Variants in LALBA observed in about 807,000 individuals in gnomAD.
The protein encoded by LALBA is alpha-lactalbumin.
A neutral mutation model predicts 13.4 loss-of-function variants in LALBA; 12 were observed. The ratio of observed to expected loss-of-function variants is 0.89; its 90% CI spans 0.57 to 1.45. The LOEUF is 1.45. LALBA is among the 40% of genes most tolerant of loss of function. The pLI is 0.00. For synonymous variants in LALBA, 64 were observed against 61.0 expected (o/e 1.05, Z -0.23); for missense variants, 145 against 165.9 (o/e 0.87, Z 0.69).
In LALBA at chr12:48,569,943, C is replaced by G. The variant is rs750132530; in HGVS notation, c.78G>C (p.Glu26Asp). 6.8e-6 allele frequency: 11 copies of G among 1,614,072 alleles called. No homozygotes were observed. Among genetic ancestry groups the G allele is most frequent in the Non-Finnish European group, 8.5e-6 (10 of 1,179,994 alleles). ...AILAKQFTKC[E>D]LSQLLKDIDG... is the part of the protein sequence containing the mutation. ...CTATGTCTTTCAGCAGCTGGGACAG[C>G]TCACATTTTGTGAATTGCTTGGCCA... Residue 26 changes from glutamate to aspartate, a missense_variant, in exon 1 of 4, where the codon GAG (glutamate) becomes GAC (aspartate). Glu to Asp is a conservative substitution (Grantham distance 45, BLOSUM62 2). Transcript: ENST00000301046.
chr12:48,568,355 A>G lies in LALBA; in HGVS notation c.368+162T>C, dbSNP rs2232569. 985 of 646,898 alleles carry G rather than the reference A, an allele frequency of 1.5e-3. 14 individuals carry two copies. In the East Asian group the frequency reaches 0.025, roughly 16 times the overall value. The allele number at this position is 646,898 out of a possible 1,614,324, so 40.1% of individuals were successfully genotyped here. A position where few individuals can be genotyped will look rare whatever the true frequency, so the allele number is the denominator to read the frequency against. ...AAAATTGCTACCAAGGAGCGGAGCG[A>G]GAGAGGCTTAATAACAGAAACCTGA... On this transcript the variant is annotated intron_variant, in intron 3 of 3. Coordinates refer to ENST00000301046, the MANE Select transcript of LALBA (RefSeq NM_002289.3).
Position 48,570,025 on chromosome 12 carries a change from G to A in LALBA, c.-5C>T, listed in dbSNP as rs773933362. On this transcript the variant is annotated 5_prime_UTR_variant, in exon 1 of 4. Coordinates refer to ENST00000301046, the MANE Select transcript of LALBA (RefSeq NM_002289.3). Reference sequence around the variant, plus strand: ...CAGAGGGACAAAGAACCTCATTTTGGCTACCCCCAAGAACCTGAAATGGAA... The same window carrying A: ...CAGAGGGACAAAGAACCTCATTTTGACTACCCCCAAGAACCTGAAATGGAA... The A allele has an allele frequency of 2.5e-6, 4 of 1,613,854 alleles. No homozygotes were observed. Among genetic ancestry groups the A allele is most frequent in the Admixed American group, 1.7e-5 (1 of 59,976 alleles).
Position 48,568,587 on chromosome 12 carries a change from G to C in LALBA, c.298C>G (p.Leu100Val), listed in dbSNP as rs78360052. ...ATGTCATCAGTAATGTCATCATCCA[G>C]GAACTCTGGCAGGAGTTACAGGGAA... ...NICDISCDKF[L>V]DDDITDDIMC... The change falls in exon 3 of 4, where the codon CTG (leucine) becomes GTG (valine). Residue 100 changes from leucine (L) to valine (V), a missense_variant. Coordinates refer to ENST00000301046, the MANE Select transcript of LALBA (RefSeq NM_002289.3). 4.6e-5 allele frequency: 73 copies of C among 1,593,412 alleles called. No homozygotes were observed. In the Middle Eastern group the frequency reaches 1.3e-3, roughly 29 times the overall value.
At position 48,569,114 on chromosome 12, in the gene LALBA, T is replaced by A. The variant is rs766518935; in HGVS notation, c.260A>T (p.Gln87Leu). The A allele has an allele frequency of 1.2e-6, 2 of 1,613,196 alleles. No homozygotes were observed. The highest frequency in any genetic ancestry group is 1.7e-6 in the Non-Finnish European group (2 of 1,179,806). ...KLWCKSSQVP[Q>L]SRNICDISCD... ...GGAGATGTCACAGATGTTCCTTGAC[T>A]GAGGGACCTGGCTGCTCTTGCACCA... is the stretch of plus-strand genomic sequence containing the variant. Residue 87 changes from glutamine to leucine, a missense_variant, in exon 2 of 4, where the codon CAG (glutamine) becomes CTG (leucine). Physicochemically the swap from Gln to Leu is moderately radical, Grantham distance 113. Coordinates refer to ENST00000301046, the MANE Select transcript of LALBA (RefSeq NM_002289.3).
intron 2 of LALBA, 137 bp downstream of exon 2, chr12:48,568,945 T>G (rs987771482): frequency 1.4e-6 from 1 of 733,248 alleles, no homozygotes; most frequent in Admixed American, 2.6e-5. Flanking sequence ...TACTCAGTAC[T>G]GCCAATTCAA....
chr12:48,568,490 GAAATAGA>G lies in LALBA; in HGVS notation c.368+20_368+26del. The G allele has an allele frequency of 7.5e-7, 1 of 1,325,046 alleles. No individual in the cohort carries two copies. Among genetic ancestry groups the G allele is most frequent in the East Asian group, 2.3e-5 (1 of 43,518 alleles). 82.1% of individuals were successfully genotyped at this position (1,325,046 alleles called of 1,614,324 possible). A position where few individuals can be genotyped will look rare whatever the true frequency, so the allele number is the denominator to read the frequency against. ...ATGGGGTAAGGAGAAGGAGGATGGG[GAAATAGA>G]AAATAGAATAAGGATTCACCAGTAG... On this transcript the variant is annotated intron_variant, in intron 3 of 3. Transcript: ENST00000301046.
At chr12:48,571,020 G>A (rs546203381), upstream of LALBA, among the ~76,000 whole-genome samples, 233 of 145,800 alleles carry the variant, frequency 1.6e-3, no homozygotes, top group African/African-American at 3.2e-3. Flanking sequence ...GCTATCCTAC[G>A]AGCTATTATC....
In LALBA at chr12:48,567,981, T is replaced by C. The variant is rs1243465177; in HGVS notation, c.405A>G (p.Glu135=). 4 of 1,605,762 alleles carry C rather than the reference T, an allele frequency of 2.5e-6. No individual in the cohort carries two copies. Among genetic ancestry groups the C allele is most frequent in the South Asian group, 1.1e-5 (1 of 88,646 alleles). ...CTCACAACTTCTCACAAAGCCACTG[T>C]TCCAGCTTCTCAGTGCAGAGGGCTT... ...AHKALCTEKL[E]QWLCEKL The change falls in exon 4 of 4, where the codon GAA becomes GAG. Residue 135 remains glutamate (E), a synonymous_variant. Transcript: ENST00000301046.
At position 48,569,924 on chromosome 12, in the gene LALBA, C is replaced by G; in HGVS notation, c.97G>C (p.Asp33His). 1 of 1,614,108 alleles carries G rather than the reference C, an allele frequency of 6.2e-7. No individual in the cohort carries two copies. The highest frequency in any genetic ancestry group is 2.2e-5 in the East Asian group (1 of 44,880). ...GCGATGCCTCCATAACCATCTATGT[C>G]TTTCAGCAGCTGGGACAGCTCACAT... ...TKCELSQLLK[D>H]IDGYGGIALP... Residue 33 changes from aspartate (D) to histidine (H), a missense_variant, in exon 1 of 4, where the codon GAC becomes CAC. Asp to His is a moderately conservative substitution (Grantham distance 81). Transcript: ENST00000301046.
At chr12:48,569,008 T>C in intron 2 of LALBA, 74 bp downstream of exon 2, 1 of 1,311,362 alleles carries the variant, frequency 7.6e-7, no homozygotes, top group African/African-American at 1.5e-5. Context: ...GAGGTCTGCT[T>C]GGCACTAAAA....
chr12:48,568,173 TA>T, intron 3 of LALBA, 156 bp from the exon 4 acceptor site: 1 of 655,962 alleles, frequency 1.5e-6, no homozygotes, highest in East Asian at 2.7e-5. Flanking sequence ...ATACAGTCCA[TA>T]AAAAATATCC....
intron 1 of LALBA, 87 bp from the exon 2 acceptor site, chr12:48,569,327 C>T: frequency 8.7e-7 from 1 of 1,155,580 alleles, no homozygotes; most frequent in Non-Finnish European, 1.2e-6. Context: ...AAAATGCTTT[C>T]CAGCCAATCT....
In LALBA at chr12:48,569,249, A is replaced by G; in HGVS notation, c.134-9T>C. ...AAACATGGTACAGATCACTGAGGGAAAGATGAGAAAGAGATACCACAGAGA... is the reference window on the plus strand; with the variant it reads ...AAACATGGTACAGATCACTGAGGGAGAGATGAGAAAGAGATACCACAGAGA... On this transcript the variant is annotated splice_polypyrimidine_tract_variant and intron_variant, in intron 1 of 3. Transcript: ENST00000301046. 6.2e-7 allele frequency: 1 copy of G among 1,605,686 alleles called. No individual in the cohort carries two copies. The highest frequency in any genetic ancestry group is 8.5e-7 in the Non-Finnish European group (1 of 1,174,036).
At position 48,567,975 on chromosome 12, in the gene LALBA, C is replaced by A. The variant is rs1285576909; in HGVS notation, c.411G>T (p.Trp137Cys). The change falls in exon 4 of 4, where the codon TGG (tryptophan) becomes TGT (cysteine). Residue 137 changes from tryptophan to cysteine, a missense_variant. Trp to Cys is a radical substitution (Grantham distance 215). Transcript: ENST00000301046. Reference protein sequence around the residue: ...KALCTEKLEQWLCEKL With the variant: ...KALCTEKLEQCLCEKL ...CAGACACTCACAACTTCTCACAAAG[C>A]CACTGTTCCAGCTTCTCAGTGCAGA... 2 of 1,605,714 alleles carry A rather than the reference C, an allele frequency of 1.2e-6. No individual in the cohort carries two copies. Among genetic ancestry groups the A allele is most frequent in the Non-Finnish European group, 1.7e-6 (2 of 1,176,530 alleles).
chr12:48,571,014 T>C (rs1006174031), upstream of LALBA, among the ~76,000 whole-genome samples: 12 of 145,318 alleles, frequency 8.3e-5, no homozygotes, highest in African/African-American at 1.3e-4. Flanking sequence ...AATCTAGCTA[T>C]CCTACGAGCT....
chr12:48,567,873 C>A lies in LALBA; in HGVS notation c.*84G>T. 1 of 1,149,804 alleles carries A rather than the reference C, an allele frequency of 8.7e-7. No individual in the cohort carries two copies. The highest frequency in any genetic ancestry group is 1.3e-6 in the Non-Finnish European group (1 of 780,288). 71.2% of individuals were successfully genotyped at this position (1,149,804 alleles called of 1,614,324 possible). ...CAGAGACAGATAAGCTTTGGGGGAACAGAAAGAAACAAACTGAGGTGGCAT... is the reference window on the plus strand; with the variant it reads ...CAGAGACAGATAAGCTTTGGGGGAAAAGAAAGAAACAAACTGAGGTGGCAT... On this transcript the variant is annotated 3_prime_UTR_variant, in exon 4 of 4. Coordinates refer to ENST00000301046, the MANE Select transcript of LALBA (RefSeq NM_002289.3).
chr12:48,568,398 G>A, intron 3 of LALBA, 119 bp downstream of exon 3: 1 of 711,094 alleles, frequency 1.4e-6, no homozygotes, highest in Non-Finnish European at 2.5e-6. Flanking sequence ...GGTAAGCTTT[G>A]TTTCAGACAC....
upstream of LALBA, among the ~76,000 whole-genome samples, chr12:48,571,053 C>A (rs1938626957): frequency 6.6e-6 from 1 of 151,654 alleles, no homozygotes; most frequent in Non-Finnish European, 1.5e-5. Context: ...CCTAACCACT[C>A]CTACCGTAAA....
Position 48,569,208 on chromosome 12 carries a change from C to T in LALBA, c.166G>A (p.Asp56Asn), listed in dbSNP as rs1565588517. The change falls in exon 2 of 4, where the codon GAC becomes AAC. Residue 56 changes from aspartate to asparagine, a missense_variant. Asp to Asn is a conservative substitution (Grantham distance 23). Coordinates refer to ENST00000301046, the MANE Select transcript of LALBA (RefSeq NM_002289.3). ...ICTMFHTSGY[D>N]TQAIVENNES... Reference sequence around the variant, plus strand: ...TTGTTTTCAACTATGGCTTGTGTGTCATAACCACTGGTGTGAAACATGGTA... The same window carrying T: ...TTGTTTTCAACTATGGCTTGTGTGTTATAACCACTGGTGTGAAACATGGTA... 6.2e-7 allele frequency: 1 copy of T among 1,613,454 alleles called. No individual in the cohort carries two copies. Among genetic ancestry groups the T allele is most frequent in the South Asian group, 1.1e-5 (1 of 91,022 alleles).
Sources: gnomAD v4.1 joint callset for allele counts (sites outside exome capture counted in the v4.1 genomes callset) on GRCh38, gnomAD v4.1.1 for gene constraint, MANE v1.5 for transcripts, NCBI Gene and HGNC (gene_info 2026-07-23, HGNC 2026-07-21) for gene names.